Variants in MRPS11 observed in about 807,000 individuals in gnomAD.
The protein encoded by MRPS11 is mitochondrial ribosomal protein S11.
A neutral mutation model predicts 24.3 loss-of-function variants in MRPS11; 27 were observed. The ratio of observed to expected loss-of-function variants is 1.11; its 90% CI spans 0.82 to 1.53. MRPS11 has a LOEUF of 1.53. Ranked by LOEUF, MRPS11 falls within the 40% of genes most tolerant of loss-of-function variation. The probability of loss-of-function intolerance (pLI) is 0.00; values close to 1 mark genes in which losing one functional copy is unlikely to be tolerated. For missense variants in MRPS11, 277 were observed against 256.5 expected, an observed-to-expected ratio of 1.08 and a Z score of -0.55; for synonymous variants, 104 against 98.7, an observed-to-expected ratio of 1.05 and a Z score of -0.32.
chr15:88,479,798 G>A lies in MRPS11; in HGVS notation c.*1819G>A, dbSNP rs563989275. 1 of 152,272 alleles carries A rather than the reference G, an allele frequency of 6.6e-6. No homozygotes were observed. Among genetic ancestry groups the A allele is most frequent in the Non-Finnish European group, 1.5e-5 (1 of 68,060 alleles). The allele number at this position is 152,272 out of a possible 1,614,324, so 9.4% of individuals were successfully genotyped here. On this transcript the variant is annotated 3_prime_UTR_variant, in exon 6 of 6. Coordinates refer to ENST00000325844, the MANE Select transcript of MRPS11 (RefSeq NM_022839.5). ...CCATCAGACAGTTCAATCAGGGTCT[G>A]AGCAGGAAACAGCTCACAAGGTTTA...
At chr15:88,468,262 A>G (rs906858257) in intron 2 of MRPS11, 112 of 1,345,486 alleles carry the variant, frequency 8.3e-5, no homozygotes, top group African/African-American at 4.6e-4. Flanking sequence ...CGTTAAATCA[A>G]TGAGTGAATG....
At chr15:88,468,185 G>C (rs549965519) in intron 2 of MRPS11, 161 bp downstream of exon 2, 44 of 1,447,784 alleles carry the variant, frequency 3.0e-5, no homozygotes, top group Non-Finnish European at 3.7e-5. Context: ...TAAAAATGCG[G>C]ATAATGCTGA....
Position 88,468,000 on chromosome 15 carries a change from C to T in MRPS11, c.158C>T (p.Ala53Val). Reference sequence around the variant, plus strand: ...GCCAAGCAGAAAGTTGAACAGAACGCGGCTCCCAGCCACACCAAGTTCAGG... The same window carrying T: ...GCCAAGCAGAAAGTTGAACAGAACGTGGCTCCCAGCCACACCAAGTTCAGG... Reference protein sequence around the residue: ...AAAKQKVEQNAAPSHTKFSIY... With the variant: ...AAAKQKVEQNVAPSHTKFSIY... The change falls in exon 2 of 6, where the codon GCG becomes GTG. Residue 53 changes from alanine to valine, a missense_variant. Transcript: ENST00000325844. 6.2e-7 allele frequency: 1 copy of T among 1,605,434 alleles called. No homozygotes were observed. Among genetic ancestry groups the T allele is most frequent in the Non-Finnish European group, 8.5e-7 (1 of 1,176,438 alleles).
chr15:88,471,463 T>C (rs911829056), intron 2 of MRPS11, among the ~76,000 whole-genome samples: 15 of 152,194 alleles, frequency 9.9e-5, no homozygotes, highest in African/African-American at 3.4e-4. Flanking sequence ...TATATGTGTG[T>C]AGGCCTAGAG....
rs76254831 is a variant in MRPS11, at chr15:88,468,772, G to A, written c.182+748G>A. ...TGCCTTTAATCCCAGCACTTTAGGCGGCCAAGGTGGGCGAATTACTTGAGG... is the reference window on the plus strand; with the variant it reads ...TGCCTTTAATCCCAGCACTTTAGGCAGCCAAGGTGGGCGAATTACTTGAGG... On this transcript the variant is annotated intron_variant, in intron 2 of 5. Coordinates refer to ENST00000325844, the MANE Select transcript of MRPS11 (RefSeq NM_022839.5). The A allele has an allele frequency of 9.5e-3, 1,471 of 154,600 alleles. 12 individuals are homozygous for A. The highest frequency in any genetic ancestry group is 0.017 in the Middle Eastern group (5 of 298). The allele number at this position is 154,600 out of a possible 1,614,324, so 9.6% of individuals were successfully genotyped here.
intron 3 of MRPS11, 151 bp from the exon 4 acceptor site, chr15:88,474,959 G>T: frequency 1.2e-6 from 1 of 840,712 alleles, no homozygotes; most frequent in South Asian, 1.9e-5. Context: ...ACTTCCTGTA[G>T]GAGTTCAAAA....
At position 88,478,349 on chromosome 15, in the gene MRPS11, A is replaced by G. The variant is rs2055866807; in HGVS notation, c.*370A>G. On this transcript the variant is annotated 3_prime_UTR_variant, in exon 6 of 6. Coordinates refer to ENST00000325844, the MANE Select transcript of MRPS11 (RefSeq NM_022839.5). The surrounding 1 kb of genome is among the most constrained non-coding windows in gnomAD (Gnocchi z 4.7). ...AGTGTGAAATGAGGTGAGGCCTCAG[A>G]TGAAAGTAAAATATAAATGTGAGTT... 4.7e-6 allele frequency: 1 copy of G among 215,034 alleles called. No homozygotes were observed. 13.3% of individuals were successfully genotyped at this position (215,034 alleles called of 1,614,324 possible). A position where few individuals can be genotyped will look rare whatever the true frequency, so the allele number is the denominator to read the frequency against.
At chr15:88,472,084 T>C (rs1207265955) in intron 2 of MRPS11, among the ~76,000 whole-genome samples, 1 of 152,226 alleles carries the variant, frequency 6.6e-6, no homozygotes, top group Non-Finnish European at 1.5e-5. Context: ...GTTTAGTAAT[T>C]GGGACAGAGA....
intron 2 of MRPS11, 200 bp downstream of exon 2, chr15:88,468,224 G>T: frequency 7.0e-7 from 1 of 1,418,448 alleles, no homozygotes; most frequent in Non-Finnish European, 9.2e-7. Context: ...GATGAGCCGT[G>T]GTACAGAGTA....
At chr15:88,473,547 T>TA (rs2055759636) in intron 3 of MRPS11, among the ~76,000 whole-genome samples, 1 of 152,206 alleles carries the variant, frequency 6.6e-6, no homozygotes, top group Non-Finnish European at 1.5e-5. Flanking sequence ...CTCAGACTAA[T>TA]AAGGACATAG....
rs913217976 is a variant in MRPS11 at position 88,475,160 on chromosome 15, C to T, written c.332C>T (p.Ser111Phe). ...AGTAATGAGCCCCTTGCCTTTGCTTCCTGTGGCACAGAGGGATTTCGGAAT... is the reference window on the plus strand; with the variant it reads ...AGTAATGAGCCCCTTGCCTTTGCTTTCTGTGGCACAGAGGGATTTCGGAAT... ...SASNEPLAFASCGTEGFRNAK... is the reference protein window; with the variant it reads ...SASNEPLAFAFCGTEGFRNAK... Residue 111 changes from serine (S) to phenylalanine (F), a missense_variant, in exon 4 of 6, where the codon TCC becomes TTC. Transcript: ENST00000325844. The surrounding 1 kb of genome is among the most constrained non-coding windows in gnomAD (Gnocchi z 4.1). 72 of 1,614,146 alleles carry T rather than the reference C, an allele frequency of 4.5e-5. No homozygotes were observed. The highest frequency in any genetic ancestry group is 6.1e-5 in the Non-Finnish European group (72 of 1,180,064).
intron 3 of MRPS11, among the ~76,000 whole-genome samples, chr15:88,474,876 T>G (rs1427548152): frequency 3.3e-5 from 5 of 152,230 alleles, no homozygotes. Flanking sequence ...TCTCAGATTA[T>G]GGAGCGCTCT....
intron 2 of MRPS11, chr15:88,472,272 C>G (rs981512902): frequency 5.4e-6 from 1 of 185,200 alleles, no homozygotes; most frequent in African/African-American, 2.4e-5. Flanking sequence ...AAATAAGAAA[C>G]AGAGGTTTGA....
In MRPS11 at chr15:88,477,131, G is replaced by A. The variant is rs890933617; in HGVS notation, c.477+77G>A. ...TTTGGGGCTTGAGAGCAGAGTACAG[G>A]GAGAGTAGAAAACACCTTTTAGTGG... is the stretch of plus-strand genomic sequence containing the variant. On this transcript the variant is annotated intron_variant, in intron 5 of 5. Coordinates refer to ENST00000325844, the MANE Select transcript of MRPS11 (RefSeq NM_022839.5). This position sits in a 1 kb window ranked among gnomAD's most constrained non-coding sequence, Gnocchi z 5.7. 14 of 1,361,610 alleles carry A rather than the reference G, an allele frequency of 1.0e-5. No individual in the cohort carries two copies. In the African/African-American group the frequency reaches 2.0e-4, roughly 20 times the overall value. 84.3% of individuals were successfully genotyped at this position (1,361,610 alleles called of 1,614,324 possible).
At chr15:88,471,692 A>C (rs970342001) in intron 2 of MRPS11, among the ~76,000 whole-genome samples, 1 of 152,170 alleles carries the variant, frequency 6.6e-6, no homozygotes. Flanking sequence ...AGGCATTCTT[A>C]ATTGTATTAA....
rs16941907 is a variant in MRPS11, at chr15:88,467,995, G to C, written c.153G>C (p.Gln51His). 4.6e-3 allele frequency: 7,377 copies of C among 1,607,872 alleles called. 226 individuals carry two copies. The African/African-American group carries it at 0.071, about 15-fold the overall frequency. The change falls in exon 2 of 6, where the codon CAG (glutamine) becomes CAC (histidine). Residue 51 changes from glutamine to histidine, a missense_variant. Gln to His is a conservative substitution (Grantham distance 24, BLOSUM62 0). Coordinates refer to ENST00000325844, the MANE Select transcript of MRPS11 (RefSeq NM_022839.5). ...QDAAAKQKVE[Q>H]NAAPSHTKFS... ...CTGCGGCCAAGCAGAAAGTTGAACA[G>C]AACGCGGCTCCCAGCCACACCAAGT...
chr15:88,476,294 G>C (rs1326149906), intron 4 of MRPS11, among the ~76,000 whole-genome samples: 1 of 152,148 alleles, frequency 6.6e-6, no homozygotes, highest in African/African-American at 2.4e-5. Flanking sequence ...ATTGGTCTGG[G>C]ACCAAAGCCT....
Position 88,467,778 on chromosome 15 carries a change from G to A in MRPS11, c.61G>A (p.Ala21Thr), listed in dbSNP as rs1285644706. The A allele has an allele frequency of 5.0e-6, 8 of 1,613,984 alleles. No homozygotes were observed. In the African/African-American group the frequency reaches 8.0e-5, roughly 16 times the overall value. Residue 21 changes from alanine to threonine, a missense_variant, in exon 1 of 6, where the codon GCC becomes ACC. Coordinates refer to ENST00000325844, the MANE Select transcript of MRPS11 (RefSeq NM_022839.5). The stretch of plus-strand genomic sequence containing the variant: ...GCGGTCCTGGACTTGGCCCCAGACA[G>A]CCGGGTAACAAATGACTGCCCCCTC... ...FLRSWTWPQTAGRVVARTPAG... is the reference protein window; with the variant it reads ...FLRSWTWPQTTGRVVARTPAG...
chr15:88,469,858 G>A lies in MRPS11; in HGVS notation c.182+1834G>A, dbSNP rs571651835. 5.9e-5 allele frequency among the ~76,000 whole-genome samples: 9 copies of A among 152,308 alleles called. No individual in the cohort carries two copies. In the South Asian group the frequency reaches 1.7e-3, roughly 28 times the overall value. ...CAGGATTTGTTAATATACAGTGTGA[G>A]AAAAAGGAGCGAAGGAAGACCCCAA... On this transcript the variant is annotated intron_variant, in intron 2 of 5. Coordinates refer to ENST00000325844, the MANE Select transcript of MRPS11 (RefSeq NM_022839.5). The surrounding 1 kb of genome is among the most constrained non-coding windows in gnomAD (Gnocchi z 4.4).
Sources: allele counts gnomAD v4.1 joint callset (sites outside exome capture counted in the v4.1 genomes callset), GRCh38; gene constraint gnomAD v4.1.1; non-coding constraint Gnocchi (gnomAD v3.1); transcripts MANE v1.5; gene names NCBI Gene and HGNC (gene_info 2026-07-23, HGNC 2026-07-21).